Variants in PKP4 observed in about 807,000 individuals in gnomAD.
PKP4 encodes the protein plakophilin 4, also known as plakophilin-4.
PKP4 carries 90 observed loss-of-function variants against 145.1 expected under a neutral mutation model. The observed-to-expected ratio is 0.62, with a 90% CI of 0.52 to 0.74. The LOEUF is 0.74. Among genes scored for constraint, PKP4 ranks in the 30% least tolerant of loss-of-function variants. The pLI is 0.00. For missense variants in PKP4, 1,340 were observed against 1,482.7 expected, an observed-to-expected ratio of 0.90 and a Z score of 1.58; for synonymous variants, 563 against 577.2, an observed-to-expected ratio of 0.98 and a Z score of 0.35.
At chr2:158,497,251 A>C (rs1695876617) in intron 1 of PKP4, among the ~76,000 whole-genome samples, 1 of 152,188 alleles carries the variant, frequency 6.6e-6, no homozygotes, top group East Asian at 1.9e-4. Flanking sequence ...GCTCCTATGT[A>C]TTTTTAAATG....
intron 3 of PKP4, among the ~76,000 whole-genome samples, chr2:158,601,095 A>G (rs1487701621): frequency 6.6e-6 from 1 of 152,194 alleles, no homozygotes. Context: ...TCACAATTTA[A>G]TTAAGCATCT....
chr2:158,488,762 C>T (rs1694528330), intron 1 of PKP4, among the ~76,000 whole-genome samples: 1 of 152,114 alleles, frequency 6.6e-6, no homozygotes, highest in Non-Finnish European at 1.5e-5. Context: ...GCAGTGTTAA[C>T]AATATCTCAG....
chr2:158,675,252 C>T (rs905923791), intron 19 of PKP4, among the ~76,000 whole-genome samples: 4 of 151,940 alleles, frequency 2.6e-5, no homozygotes, highest in Non-Finnish European at 4.4e-5. Flanking sequence ...TTTATGCGTC[C>T]CAGGATGGCT....
intron 2 of PKP4, among the ~76,000 whole-genome samples, chr2:158,563,070 A>G (rs2046679115): frequency 1.3e-5 from 2 of 152,298 alleles, no homozygotes; most frequent in East Asian, 1.9e-4. Flanking sequence ...AGTAGAATCT[A>G]TTAAAGCAAA....
intron 15 of PKP4, 59 bp from the exon 16 acceptor site, chr2:158,666,354 G>A: frequency 7.4e-7 from 1 of 1,350,646 alleles, no homozygotes; most frequent in Non-Finnish European, 9.8e-7. Flanking sequence ...TTAGGTGACA[G>A]TAACATATGA....
chr2:158,576,836 A>G (rs776515341), intron 2 of PKP4, among the ~76,000 whole-genome samples: 8 of 152,160 alleles, frequency 5.3e-5, no homozygotes, highest in Non-Finnish European at 1.0e-4. Context: ...AACATGGTAA[A>G]GTGATTCTGA....
chr2:158,666,738 A>G, intron 16 of PKP4, 175 bp downstream of exon 16: 1 of 509,374 alleles, frequency 2.0e-6, no homozygotes, highest in South Asian at 3.7e-5. Flanking sequence ...TTTCAGCAGG[A>G]GGCAAGCTCA....
intron 2 of PKP4, among the ~76,000 whole-genome samples, chr2:158,553,747 A>G (rs2045835386): frequency 6.6e-6 from 1 of 151,864 alleles, no homozygotes; most frequent in South Asian, 2.1e-4. Flanking sequence ...CTATTATCCT[A>G]TGTCTATCCC....
chr2:158,476,651 T>C (rs1403065422), intron 1 of PKP4, among the ~76,000 whole-genome samples: 1 of 152,070 alleles, frequency 6.6e-6, no homozygotes, highest in Non-Finnish European at 1.5e-5. Context: ...TTATTTGAAA[T>C]AAAATAGTCT....
At chr2:158,465,833 A>G (rs1187875683) in intron 1 of PKP4, among the ~76,000 whole-genome samples, 1 of 152,228 alleles carries the variant, frequency 6.6e-6, no homozygotes, top group African/African-American at 2.4e-5. Flanking sequence ...ACAAAATCCA[A>G]CTGGACTTCA....
At chr2:158,608,598 G>A (rs1318198119) in intron 4 of PKP4, among the ~76,000 whole-genome samples, 1 of 151,990 alleles carries the variant, frequency 6.6e-6, no homozygotes, top group Non-Finnish European at 1.5e-5. Context: ...GGGGAAGGAG[G>A]AAGGGTATTA....
chr2:158,605,967 A>C (rs2050621662), intron 4 of PKP4, among the ~76,000 whole-genome samples: 1 of 152,186 alleles, frequency 6.6e-6, no homozygotes, highest in Non-Finnish European at 1.5e-5. Context: ...AGCATGTAAC[A>C]GTAGTTTATT....
At chr2:158,657,292 T>C (rs1325360595) in intron 11 of PKP4, among the ~76,000 whole-genome samples, 1 of 152,220 alleles carries the variant, frequency 6.6e-6, no homozygotes, top group Non-Finnish European at 1.5e-5. Context: ...AAACCTGTGC[T>C]ATGATAATAA....
chr2:158,497,235 C>T (rs1015618700), intron 1 of PKP4, among the ~76,000 whole-genome samples: 1 of 152,152 alleles, frequency 6.6e-6, no homozygotes, highest in African/African-American at 2.4e-5. Context: ...ATTCAACTAT[C>T]GGGAAGCTCC....
intron 4 of PKP4, 148 bp from the exon 5 acceptor site, chr2:158,620,842 A>G (rs2052158231): frequency 1.6e-6 from 1 of 631,822 alleles, no homozygotes; most frequent in Non-Finnish European, 2.8e-6. Context: ...TCATATAGTT[A>G]AGAGTCAGAT....
chr2:158,509,412 A>G lies in PKP4; in HGVS notation c.-5-23768A>G, dbSNP rs373753340. Among the ~76,000 whole-genome samples, 12 of 152,330 alleles carry G rather than the reference A, an allele frequency of 7.9e-5. No individual in the cohort carries two copies. The East Asian group carries it at 1.3e-3, about 17-fold the overall frequency. ...ACAGATATCTATATTTTTATTGGCAACAATAAAAACAGTCTGTGAGGAAAT... is the reference window on the plus strand; with the variant it reads ...ACAGATATCTATATTTTTATTGGCAGCAATAAAAACAGTCTGTGAGGAAAT... On this transcript the variant is annotated intron_variant, in intron 1 of 21. Coordinates refer to ENST00000389759, the MANE Select transcript of PKP4 (RefSeq NM_003628.6).
intron 1 of PKP4, among the ~76,000 whole-genome samples, chr2:158,501,570 T>G (rs1208164243): frequency 6.6e-6 from 1 of 152,228 alleles, no homozygotes; most frequent in African/African-American, 2.4e-5. Context: ...CCCAGCCAGC[T>G]GAGCTCAACT....
At chr2:158,677,219 G>A (rs564825337) in intron 20 of PKP4, 11 of 343,506 alleles carry the variant, frequency 3.2e-5, no homozygotes, top group East Asian at 1.5e-4. Flanking sequence ...CATCAGAACC[G>A]TCAGCCCAGT....
intron 2 of PKP4, among the ~76,000 whole-genome samples, chr2:158,557,004 C>T (rs1220886141): frequency 1.3e-5 from 2 of 152,060 alleles, no homozygotes; most frequent in Non-Finnish European, 2.9e-5. Context: ...AGCATCAACT[C>T]TGGAGTCACA....
Sources: gnomAD v4.1 joint callset for allele counts (sites outside exome capture counted in the v4.1 genomes callset) on GRCh38, gnomAD v4.1.1 for gene constraint, MANE v1.5 for transcripts, NCBI Gene and HGNC (gene_info 2026-07-23, HGNC 2026-07-21) for gene names.